Variants in RHCG observed in about 807,000 individuals in gnomAD.
RHCG encodes the protein ammonium transporter Rh type C.
Under a neutral mutation model 55.3 loss-of-function variants are expected in RHCG, and 39 were observed. The observed-to-expected ratio is 0.70, with a 90% CI of 0.55 to 0.92. The LOEUF is 0.92. RHCG is among the 40% of genes least tolerant of loss of function. The pLI is 0.00. For synonymous variants in RHCG, 250 were observed against 246.8 expected (o/e 1.01, Z -0.12); for missense variants, 635 against 627.9 (o/e 1.01, Z -0.12).
At position 89,477,486 on chromosome 15, in the gene RHCG, C is replaced by A. The variant is rs983609581; in HGVS notation, c.1112+31G>T. ...AGGGATGGGAGAAGGAAGGGGGAAGCTCCATCCCACCGCACCTCCTCCACA... is the reference window on the plus strand; with the variant it reads ...AGGGATGGGAGAAGGAAGGGGGAAGATCCATCCCACCGCACCTCCTCCACA... On this transcript the variant is annotated intron_variant, in intron 7 of 10. Transcript: ENST00000268122. This position sits in a 1 kb window ranked among gnomAD's most constrained non-coding sequence, Gnocchi z 4.5. 3 of 1,611,066 alleles carry A rather than the reference C, an allele frequency of 1.9e-6. No individual in the cohort carries two copies. Among genetic ancestry groups the A allele is most frequent in the African/African-American group, 1.3e-5 (1 of 74,848 alleles).
intron 3 of RHCG, among the ~76,000 whole-genome samples, chr15:89,480,619 C>A (rs1378549457): frequency 6.6e-6 from 1 of 152,210 alleles, no homozygotes; most frequent in East Asian, 1.9e-4. Flanking sequence ...GGTGTCCTCA[C>A]CCAGCAGATT....
At chr15:89,472,550 C>T (rs1161966310) in intron 10 of RHCG, among the ~76,000 whole-genome samples, 161 bp downstream of exon 10, 1 of 152,230 alleles carries the variant, frequency 6.6e-6, no homozygotes, top group Non-Finnish European at 1.5e-5. Flanking sequence ...AGAAGCTCCC[C>T]TGCCAACCCC....
chr15:89,493,777 G>A (rs1330547194), intron 1 of RHCG, among the ~76,000 whole-genome samples: 1 of 152,112 alleles, frequency 6.6e-6, no homozygotes, highest in African/African-American at 2.4e-5. Context: ...AGACCCCAGG[G>A]CTGCTCCTCT....
Position 89,480,396 on chromosome 15 carries a change from C to CTTCACCT in RHCG, c.534_535insAGGTGAA (p.Gly179ArgfsTer2). The CTTCACCT allele has an allele frequency of 6.2e-7, 1 of 1,613,532 alleles. No individual in the cohort carries two copies. Among genetic ancestry groups the CTTCACCT allele is most frequent in the South Asian group, 1.1e-5 (1 of 91,034 alleles). On this transcript the variant is annotated stop_gained and frameshift_variant, in exon 4 of 11. Coordinates refer to ENST00000268122, the MANE Select transcript of RHCG (RefSeq NM_016321.3). LOFTEE classifies it high-confidence loss of function. ...AATGTGTGGATGGTCATGGAGCCTC[C>CTTCACCT]TGCATCCTTCACCTGGGGTGCAAGG...
intron 3 of RHCG, among the ~76,000 whole-genome samples, chr15:89,480,609 G>A (rs1045447105): frequency 4.6e-5 from 7 of 152,194 alleles, no homozygotes; most frequent in Admixed American, 1.3e-4. Flanking sequence ...AAAATGCCAG[G>A]GTGTCCTCAC....
At chr15:89,490,415 T>C (rs1022114943) in intron 1 of RHCG, among the ~76,000 whole-genome samples, 3 of 152,246 alleles carry the variant, frequency 2.0e-5, no homozygotes, top group African/African-American at 7.2e-5. Context: ...TTAGCATCGG[T>C]GCTGAGTTTA....
intron 2 of RHCG, 89 bp downstream of exon 2, chr15:89,486,710 C>T: frequency 7.0e-7 from 1 of 1,438,634 alleles, no homozygotes. Flanking sequence ...CCGGGTCCCG[C>T]CGATGGGCAC....
At position 89,476,767 on chromosome 15, in the gene RHCG, C is replaced by A; in HGVS notation, c.1299G>T (p.Ala433=). ...QPSDENCFED[A]VYWEMPEGNS... ...CCCTGGAACTCACCTCCCAGTAGAC[C>A]GCATCCTCAAAGCAGTTCTCATCTG... The change falls in exon 9 of 11, where the codon GCG becomes GCT. Residue 433 remains alanine (A), a synonymous_variant. Coordinates refer to ENST00000268122, the MANE Select transcript of RHCG (RefSeq NM_016321.3). 1 of 1,614,032 alleles carries A rather than the reference C, an allele frequency of 6.2e-7. No homozygotes were observed. Among genetic ancestry groups the A allele is most frequent in the Non-Finnish European group, 8.5e-7 (1 of 1,179,924 alleles).
chr15:89,475,078 CTTCCTGCCTGCCTGCCTTCATTCA>C (rs879660487), intron 9 of RHCG, among the ~76,000 whole-genome samples: 19,241 of 136,076 alleles, frequency 0.14, 1,810 homozygotes, highest in Non-Finnish European at 0.18. Flanking sequence ...GCCTTCCTGC[CTTCCTGCCTGCCTGCCTTCATTCA>C]TTCCTGCCTG....
chr15:89,477,433 G>T lies in RHCG; in HGVS notation c.1112+84C>A. 2 of 1,554,510 alleles carry T rather than the reference G, an allele frequency of 1.3e-6. No individual in the cohort carries two copies. The highest frequency in any genetic ancestry group is 2.4e-5 in the South Asian group (2 of 83,582). ...GGGGAAGGAAAGGGAGAAAGATGCA[G>T]TCGGGTCCCAGAGGAATAGCAGGAA... On this transcript the variant is annotated intron_variant, in intron 7 of 10. Transcript: ENST00000268122. This position sits in a 1 kb window ranked among gnomAD's most constrained non-coding sequence, Gnocchi z 4.5.
At chr15:89,494,904 G>T (rs1220764355) in intron 1 of RHCG, among the ~76,000 whole-genome samples, 3 of 152,090 alleles carry the variant, frequency 2.0e-5, no homozygotes, top group Admixed American at 2.0e-4. Flanking sequence ...GGGTCAAGTG[G>T]GAAGCAAGTG....
intron 9 of RHCG, among the ~76,000 whole-genome samples, chr15:89,476,346 T>C (rs1360553140): frequency 1.3e-5 from 2 of 152,066 alleles, no homozygotes; most frequent in African/African-American, 4.8e-5. Flanking sequence ...GGAATTACAG[T>C]TGTGAGCTAC....
intron 1 of RHCG, among the ~76,000 whole-genome samples, chr15:89,489,648 G>A (rs1961437983): frequency 6.6e-6 from 1 of 152,040 alleles, no homozygotes; most frequent in African/African-American, 2.4e-5. Context: ...CAGCTGCTCT[G>A]GCCTCCCTTC....
At chr15:89,478,288 C>G (rs965016373) in intron 5 of RHCG, among the ~76,000 whole-genome samples, 3 of 152,198 alleles carry the variant, frequency 2.0e-5, no homozygotes, top group Non-Finnish European at 4.4e-5. Context: ...ACCATGTATA[C>G]CTGTGTGCCC....
chr15:89,476,874 C>A, intron 8 of RHCG, 46 bp from the exon 9 acceptor site: 1 of 1,573,876 alleles, frequency 6.4e-7, no homozygotes. Flanking sequence ...TGCCTTCTCT[C>A]TGCTCACCCC....
At chr15:89,491,994 A>G (rs1390881519) in intron 1 of RHCG, among the ~76,000 whole-genome samples, 1 of 152,128 alleles carries the variant, frequency 6.6e-6, no homozygotes, top group Non-Finnish European at 1.5e-5. Flanking sequence ...GCTCTTTAGA[A>G]ATTGCCCCAT....
chr15:89,494,410 G>C (rs1381602753), intron 1 of RHCG, among the ~76,000 whole-genome samples: 1 of 152,112 alleles, frequency 6.6e-6, no homozygotes, highest in Non-Finnish European at 1.5e-5. Context: ...ATTACTACCA[G>C]CACCACCTTC....
At chr15:89,486,547 TGA>T (rs145810512) in intron 2 of RHCG, 1,165 of 430,082 alleles carry the variant, frequency 2.7e-3, no homozygotes, top group East Asian at 5.3e-3. Flanking sequence ...GGAAGCGAAG[TGA>T]GAGAGAGAGA....
At position 89,479,401 on chromosome 15, in the gene RHCG, G is replaced by T; in HGVS notation, c.758C>A (p.Thr253Asn). 1 of 1,614,228 alleles carries T rather than the reference G, an allele frequency of 6.2e-7. No individual in the cohort carries two copies. Among genetic ancestry groups the T allele is most frequent in the Non-Finnish European group, 8.5e-7 (1 of 1,180,046 alleles). The stretch of plus-strand genomic sequence containing the variant: ...CACGCAGGCTGCCAAGGAGCAGTAG[G>T]TGTTGATGGCGGCTCGGTGCTGGCT... ...GDSQHRAAIN[T>N]YCSLAACVLT... The change falls in exon 5 of 11, where the codon ACC (threonine) becomes AAC (asparagine). Residue 253 changes from threonine to asparagine, a missense_variant. Transcript: ENST00000268122.
Sources: allele counts gnomAD v4.1 joint callset (sites outside exome capture counted in the v4.1 genomes callset), GRCh38; gene constraint gnomAD v4.1.1; non-coding constraint Gnocchi (gnomAD v3.1); transcripts MANE v1.5; gene names NCBI Gene and HGNC (gene_info 2026-07-23, HGNC 2026-07-21).